CARD8: variants seen among roughly 807,000 people sequenced by gnomAD.
CARD8 encodes caspase recruitment domain-containing protein 8.
CARD8 carries 38 observed loss-of-function variants against 53.2 expected under a neutral mutation model. The observed-to-expected ratio is 0.71, with a 90% CI of 0.55 to 0.94. The LOEUF is 0.94. Among genes scored for constraint, CARD8 ranks in the 40% least tolerant of loss-of-function variants. The pLI is 0.00. For missense variants in CARD8, 561 were observed against 655.5 expected (o/e 0.86, Z 1.57); for synonymous variants, 245 against 244.9 (o/e 1.00, Z 0.00).
At chr19:48,238,948 C>T (rs2044430893) in intron 4 of CARD8, among the ~76,000 whole-genome samples, 1 of 152,220 alleles carries the variant, frequency 6.6e-6, no homozygotes, top group South Asian at 2.1e-4. Context: ...GGAGGCATGC[C>T]TCCTTTGATT....
intron 3 of CARD8, among the ~76,000 whole-genome samples, chr19:48,247,572 A>G (rs142711665): frequency 3.9e-5 from 6 of 151,996 alleles, no homozygotes; most frequent in African/African-American, 1.4e-4. Flanking sequence ...TATATGCATA[A>G]AGAAACTCTG....
rs1239147416 is a variant in CARD8 at position 48,238,367 on chromosome 19, A to C, written c.209+16T>G. On this transcript the variant is annotated intron_variant, in intron 5 of 13. Transcript: ENST00000651546. ...CCAAATCTTTAATTTTTTCCCAACA[A>C]ATAGATGTCCCTTACGTATCATTTG... 1 of 1,531,786 alleles carries C rather than the reference A, an allele frequency of 6.5e-7. No homozygotes were observed. Among genetic ancestry groups the C allele is most frequent in the South Asian group, 1.2e-5 (1 of 83,208 alleles). 94.9% of individuals were successfully genotyped at this position (1,531,786 alleles called of 1,614,324 possible).
intron 10 of CARD8, among the ~76,000 whole-genome samples, chr19:48,224,339 C>T (rs2041304849): frequency 6.6e-6 from 1 of 152,122 alleles, no homozygotes; most frequent in South Asian, 2.1e-4. Context: ...TCATTTAACT[C>T]ACAATATCAT....
intron 4 of CARD8, among the ~76,000 whole-genome samples, chr19:48,239,682 G>T (rs1371730036): frequency 6.6e-6 from 1 of 152,030 alleles, no homozygotes; most frequent in African/African-American, 2.4e-5. Flanking sequence ...CACCATGTTG[G>T]CCAGACTGGT....
Position 48,237,925 on chromosome 19 carries a change from C to G in CARD8, c.209+458G>C, listed in dbSNP as rs1454017294. On this transcript the variant is annotated intron_variant, in intron 5 of 13. Coordinates refer to ENST00000651546, the MANE Select transcript of CARD8 (RefSeq NM_001184900.3). The stretch of plus-strand genomic sequence containing the variant: ...ATTTTTTTTGAGACAAAGCCTCACT[C>G]TGTCTCCCAGGCTGGAGTGCAGTTG... Among the ~76,000 whole-genome samples, 3 of 152,232 alleles carry G rather than the reference C, an allele frequency of 2.0e-5. No individual in the cohort carries two copies. In the East Asian group the frequency reaches 5.8e-4, roughly 29 times the overall value.
intron 10 of CARD8, among the ~76,000 whole-genome samples, chr19:48,226,516 T>C (rs1160615590): frequency 2.0e-5 from 3 of 152,310 alleles, no homozygotes; most frequent in African/African-American, 7.2e-5. Context: ...TGAGCCACCA[T>C]GCCCAGCCCC....
At chr19:48,218,352 TC>T (rs1211138203) in intron 12 of CARD8, among the ~76,000 whole-genome samples, 439 of 119,518 alleles carry the variant, frequency 3.7e-3, no homozygotes, top group Non-Finnish European at 5.4e-3. Context: ...TTTATCTTCT[TC>T]TTTTTTTTTT....
downstream of CARD8, among the ~76,000 whole-genome samples, chr19:48,205,797 T>C (rs529564250): frequency 1.5e-4 from 23 of 152,154 alleles, no homozygotes; most frequent in African/African-American, 5.5e-4. Flanking sequence ...GAAATGTGAG[T>C]AGGGAGTGAG....
In CARD8 at chr19:48,230,999, A is replaced by T; in HGVS notation, c.550T>A (p.Phe184Ile). ...CACAGATACCAGCCAGCAGTGGGGA[A>T]CCAAACGCTGAAAGGAGCCAGAGTG... ...DKSTNRYSVW[F>I]PTAGWYLWSA... Residue 184 changes from phenylalanine to isoleucine, a missense_variant, in exon 9 of 14, where the codon TTC becomes ATC. Phe to Ile is a conservative substitution (Grantham distance 21, BLOSUM62 0). Coordinates refer to ENST00000651546, the MANE Select transcript of CARD8 (RefSeq NM_001184900.3). 6.2e-7 allele frequency: 1 copy of T among 1,613,702 alleles called. No homozygotes were observed. The highest frequency in any genetic ancestry group is 1.1e-5 in the South Asian group (1 of 91,058).
chr19:48,252,808 T>TATATACACACACACAC (rs113740488), intron 1 of CARD8, among the ~76,000 whole-genome samples: 1 of 148,182 alleles, frequency 6.7e-6, no homozygotes, highest in Non-Finnish European at 1.5e-5. Context: ...TATCAGTATA[T>TATATACACACACACAC]ACACACACAC....
intron 5 of CARD8, 139 bp from the exon 6 acceptor site, chr19:48,234,682 G>A (rs961558694): frequency 1.6e-5 from 11 of 684,922 alleles, no homozygotes; most frequent in Non-Finnish European, 2.1e-5. Flanking sequence ...AGGCCCCTAC[G>A]ACTCCATCTC....
intron 1 of CARD8, among the ~76,000 whole-genome samples, chr19:48,250,718 G>C (rs560104603): frequency 6.6e-6 from 1 of 152,336 alleles, no homozygotes; most frequent in Non-Finnish European, 1.5e-5. Context: ...CAACAAAAGA[G>C]ATTTGAAGGA....
At chr19:48,249,193 T>C (rs2046608188) in intron 3 of CARD8, among the ~76,000 whole-genome samples, 1 of 148,786 alleles carries the variant, frequency 6.7e-6, no homozygotes, top group Admixed American at 6.7e-5. Context: ...CGAGACTCCG[T>C]CTCAAAAAAA....
chr19:48,234,412 TC>T lies in CARD8; in HGVS notation c.340del (p.Asp114ThrfsTer27), dbSNP rs770149864. 6 of 1,608,082 alleles carry T rather than the reference TC, an allele frequency of 3.7e-6. No homozygotes were observed. In the East Asian group the frequency reaches 6.7e-5, roughly 18 times the overall value. On this transcript the variant is annotated frameshift_variant, in exon 6 of 14. Transcript: ENST00000651546. LOFTEE classifies it high-confidence loss of function. The part of the protein sequence containing the change: ...AVPECQLSGG[D>X]IPSVSEEQES... Reference sequence around the variant, plus strand: ...GAATAGCTTTTCTTACCTGGGAATGTCCCCCCCAGATAGTTGACACTCAGGA... The same window carrying T: ...GAATAGCTTTTCTTACCTGGGAATGTCCCCCCAGATAGTTGACACTCAGGA...
At chr19:48,240,477 A>C (rs2044775725) in intron 4 of CARD8, among the ~76,000 whole-genome samples, 1 of 152,032 alleles carries the variant, frequency 6.6e-6, no homozygotes, top group African/African-American at 2.4e-5. Flanking sequence ...AGGTCTAAAA[A>C]GTACACCTGG....
chr19:48,249,138 A>G (rs2046601008), intron 3 of CARD8, among the ~76,000 whole-genome samples: 1 of 151,492 alleles, frequency 6.6e-6, no homozygotes, highest in African/African-American at 2.4e-5. Flanking sequence ...TGGAGGTTGC[A>G]GTGAGCCGAG....
At chr19:48,205,083 A>G (rs565721027), downstream of CARD8, among the ~76,000 whole-genome samples, 98 of 152,298 alleles carry the variant, frequency 6.4e-4, 2 homozygotes, top group South Asian at 0.01. Context: ...TTATAGAGTA[A>G]TTGGGTTGTA....
At chr19:48,243,388 C>T (rs2045554395) in intron 3 of CARD8, among the ~76,000 whole-genome samples, 1 of 152,138 alleles carries the variant, frequency 6.6e-6, no homozygotes, top group Non-Finnish European at 1.5e-5. Context: ...AATTTATCTG[C>T]AATAACTGAA....
chr19:48,214,769 CTTTTTTTTTTTT>C lies in CARD8; in HGVS notation c.1348+559_1348+570del, dbSNP rs531199248. ...CCTTCCTTTCATTCCTGCTATAAAG[CTTTTTTTTTTTT>C]TTTTTTTTTTTTTTTTTTTTTTGTA... is the stretch of plus-strand genomic sequence containing the variant. On this transcript the variant is annotated intron_variant, in intron 13 of 13. Transcript: ENST00000651546. Among the ~76,000 whole-genome samples, 495 of 89,582 alleles carry C rather than the reference CTTTTTTTTTTTT, an allele frequency of 5.5e-3. 21 individuals carry two copies. Among genetic ancestry groups the C allele is most frequent in the Middle Eastern group, 0.03 (4 of 132 alleles). The allele number at this position is 89,582 out of a possible 152,430, so 58.8% of individuals were successfully genotyped here. A position where few individuals can be genotyped will look rare whatever the true frequency, so the allele number is the denominator to read the frequency against.
Sources: gnomAD v4.1 joint callset for allele counts (sites outside exome capture counted in the v4.1 genomes callset) on GRCh38, gnomAD v4.1.1 for gene constraint, MANE v1.5 for transcripts, NCBI Gene and HGNC (gene_info 2026-07-23, HGNC 2026-07-21) for gene names.